The following ASAP1 variants were observed in gnomAD, a reference collection of about 807,000 sequenced individuals.
ASAP1 encodes ArfGAP with SH3 domain, ankyrin repeat and PH domain 1.
Under a neutral mutation model 145.2 loss-of-function variants are expected in ASAP1, and 43 were observed. The ratio of observed to expected loss-of-function variants is 0.30; its 90% confidence interval spans 0.23 to 0.38. The LOEUF is 0.38. ASAP1 is among the 10% of genes least tolerant of loss of function. ASAP1 has a pLI of 1.00. For missense variants in ASAP1, 1,018 were observed against 1,355.3 expected, an observed-to-expected ratio of 0.75 and a Z score of 3.91; for synonymous variants, 546 against 515.5, an observed-to-expected ratio of 1.06 and a Z score of -0.80.
At chr8:130,310,197 G>C (rs191560783) in intron 3 of ASAP1, among the ~76,000 whole-genome samples, 41 of 152,008 alleles carry the variant, frequency 2.7e-4, no homozygotes, top group Non-Finnish European at 5.3e-4. Flanking sequence ...TTAAATGGTA[G>C]AACAAATATG....
At chr8:130,118,885 A>G in intron 18 of ASAP1, 1 of 300,062 alleles carries the variant, frequency 3.3e-6, no homozygotes, top group Non-Finnish European at 6.1e-6. Flanking sequence ...AGTAATAGAT[A>G]TAGTTACAAA....
At chr8:130,133,618 TGCAGTCC>T (rs2097586865) in intron 15 of ASAP1, among the ~76,000 whole-genome samples, 1 of 151,136 alleles carries the variant, frequency 6.6e-6, no homozygotes, top group African/African-American at 2.4e-5. Context: ...ATTGCGCCAC[TGCAGTCC>T]GCAGTCCGGC....
intron 2 of ASAP1, among the ~76,000 whole-genome samples, chr8:130,365,402 T>C (rs942673433): frequency 6.6e-6 from 1 of 152,240 alleles, no homozygotes; most frequent in Admixed American, 6.5e-5. Flanking sequence ...ACATCATTTC[T>C]AATACAAGTA....
intron 25 of ASAP1, among the ~76,000 whole-genome samples, chr8:130,090,956 T>C (rs2097504228): frequency 6.6e-6 from 1 of 152,120 alleles, no homozygotes; most frequent in Non-Finnish European, 1.5e-5. Flanking sequence ...AACTAACAAA[T>C]TTATTCAGCA....
chr8:130,062,522 A>G (rs2097421728), intron 27 of ASAP1, among the ~76,000 whole-genome samples: 1 of 152,316 alleles, frequency 6.6e-6, no homozygotes, highest in Non-Finnish European at 1.5e-5. Flanking sequence ...GCTAAGAAAC[A>G]ATCTGAGCCA....
At chr8:130,211,665 T>C (rs569742086) in intron 5 of ASAP1, among the ~76,000 whole-genome samples, 3 of 152,232 alleles carry the variant, frequency 2.0e-5, no homozygotes, top group Non-Finnish European at 4.4e-5. Flanking sequence ...TAAAAATAAG[T>C]AATGATTTAG....
At chr8:130,059,861 T>C (rs2097414044) in intron 28 of ASAP1, among the ~76,000 whole-genome samples, 1 of 151,800 alleles carries the variant, frequency 6.6e-6, no homozygotes, top group South Asian at 2.1e-4. Context: ...GAGGAGTGCT[T>C]GAGCCCATGA....
chr8:130,326,294 C>A (rs192749236), intron 3 of ASAP1, among the ~76,000 whole-genome samples: 3 of 152,350 alleles, frequency 2.0e-5, no homozygotes, highest in East Asian at 3.9e-4. Context: ...AGTCTACTAT[C>A]ATGATTACAG....
At chr8:130,231,661 T>C (rs1179614406) in intron 4 of ASAP1, among the ~76,000 whole-genome samples, 1 of 152,246 alleles carries the variant, frequency 6.6e-6, no homozygotes, top group African/African-American at 2.4e-5. Context: ...TACCTGTACC[T>C]GTGTTGTGTG....
rs1194303978 is a variant in ASAP1, at chr8:130,305,740, A to C, written c.186+52277T>G. Among the ~76,000 whole-genome samples the C allele has an allele frequency of 2.6e-5, 4 of 152,308 alleles. No homozygotes were observed. The South Asian group carries it at 6.2e-4, about 24-fold the overall frequency. On this transcript the variant is annotated intron_variant, in intron 3 of 29. Coordinates refer to ENST00000518721, the MANE Select transcript of ASAP1 (RefSeq NM_018482.4). Reference sequence around the variant, plus strand: ...TTATAAATCGAGAAAACTAAAGACCAGATCAGTTACACTAGCCTTAAGTCA... The same window carrying C: ...TTATAAATCGAGAAAACTAAAGACCCGATCAGTTACACTAGCCTTAAGTCA...
intron 3 of ASAP1, among the ~76,000 whole-genome samples, chr8:130,312,347 C>T (rs1445250005): frequency 6.6e-6 from 1 of 151,944 alleles, no homozygotes; most frequent in Non-Finnish European, 1.5e-5. Context: ...AGCTGAACCC[C>T]TGGCCTTGAG....
intron 15 of ASAP1, among the ~76,000 whole-genome samples, chr8:130,133,963 C>G (rs868229603): frequency 9.9e-5 from 15 of 152,280 alleles, no homozygotes; most frequent in Middle Eastern, 3.4e-3. Flanking sequence ...TCCTTGCCCT[C>G]GAAAAGCTCT....
At chr8:130,245,938 C>A (rs1417899208) in intron 3 of ASAP1, among the ~76,000 whole-genome samples, 1 of 152,064 alleles carries the variant, frequency 6.6e-6, no homozygotes, top group Non-Finnish European at 1.5e-5. Context: ...TATCTAATCG[C>A]CCCGGGACTC....
At chr8:130,087,703 T>C (rs1431616587) in intron 25 of ASAP1, among the ~76,000 whole-genome samples, 1 of 152,110 alleles carries the variant, frequency 6.6e-6, no homozygotes, top group Non-Finnish European at 1.5e-5. Flanking sequence ...ACAGGAGGCC[T>C]CGAGTCTTGC....
intron 20 of ASAP1, among the ~76,000 whole-genome samples, chr8:130,117,886 A>G (rs1225823082): frequency 6.6e-6 from 1 of 152,218 alleles, no homozygotes; most frequent in African/African-American, 2.4e-5. Context: ...TATCTGGTTC[A>G]CTGTCTGTTT....
intron 13 of ASAP1, among the ~76,000 whole-genome samples, chr8:130,140,370 T>A (rs543259484): frequency 2.4e-3 from 360 of 150,834 alleles, no homozygotes; most frequent in Non-Finnish European, 3.8e-3. Flanking sequence ...CTTTTTTTTT[T>A]AAAAAAAAAC....
chr8:130,118,682 C>T lies in ASAP1; in HGVS notation c.1608-7G>A, dbSNP rs1200281593. 2.0e-6 allele frequency: 3 copies of T among 1,465,060 alleles called. No homozygotes were observed. Among genetic ancestry groups the T allele is most frequent in the South Asian group, 3.1e-5 (2 of 65,338 alleles). The allele number at this position is 1,465,060 out of a possible 1,614,324, so 90.8% of individuals were successfully genotyped here. ...ATATTCTTTTCGTACAGTCCTAAAACAGAACAAAATAAAGAATTTTTATTT... is the reference window on the plus strand; with the variant it reads ...ATATTCTTTTCGTACAGTCCTAAAATAGAACAAAATAAAGAATTTTTATTT... On this transcript the variant is annotated splice_region_variant and splice_polypyrimidine_tract_variant and intron_variant, in intron 18 of 29. Transcript: ENST00000518721.
At chr8:130,186,719 A>G (rs571780204) in intron 7 of ASAP1, among the ~76,000 whole-genome samples, 1 of 152,166 alleles carries the variant, frequency 6.6e-6, no homozygotes, top group Non-Finnish European at 1.5e-5. Flanking sequence ...GCCTTTCATG[A>G]GCCCCTTAGC....
At chr8:130,277,676 T>C (rs1345038996) in intron 3 of ASAP1, among the ~76,000 whole-genome samples, 2 of 152,184 alleles carry the variant, frequency 1.3e-5, no homozygotes, top group Non-Finnish European at 2.9e-5. Flanking sequence ...TAGAAATGGC[T>C]TTCAAATGCC....
Sources: allele counts gnomAD v4.1 joint callset (sites outside exome capture counted in the v4.1 genomes callset), GRCh38; gene constraint gnomAD v4.1.1; transcripts MANE v1.5; gene names NCBI Gene and HGNC (gene_info 2026-07-23, HGNC 2026-07-21).